The following RTN3 variants were observed in gnomAD, a reference collection of about 807,000 sequenced individuals.
The protein encoded by RTN3 is reticulon-3.
In RTN3, 49 loss-of-function variants were observed where a neutral mutation model predicts 77.8. The ratio of observed to expected loss-of-function variants is 0.63; its 90% CI spans 0.50 to 0.80. RTN3 has a LOEUF of 0.80. Ranked by LOEUF, RTN3 falls within the 30% of genes least tolerant of loss-of-function variation. RTN3 has a pLI of 0.00. For synonymous variants in RTN3, 464 were observed against 446.9 expected (o/e 1.04, Z -0.48); for missense variants, 1,236 against 1,211.9 (o/e 1.02, Z -0.29).
chr11:63,735,873 T>C (rs1476158152), intron 3 of RTN3, among the ~76,000 whole-genome samples: 3 of 152,048 alleles, frequency 2.0e-5, no homozygotes, highest in Admixed American at 2.0e-4. Flanking sequence ...AAGAACAAAA[T>C]TGGAGAACTT....
chr11:63,753,282 C>T, intron 6 of RTN3, 144 bp downstream of exon 6: 1 of 729,600 alleles, frequency 1.4e-6, no homozygotes, highest in Non-Finnish European at 2.3e-6. Flanking sequence ...ACTGGAGGAA[C>T]CGGAGTTTGT....
chr11:63,703,294 G>A (rs935108403), intron 1 of RTN3, among the ~76,000 whole-genome samples: 6 of 151,964 alleles, frequency 3.9e-5, no homozygotes, highest in Non-Finnish European at 7.4e-5. Flanking sequence ...TGGTGGTGGG[G>A]GGTGGTGGTT....
At position 63,716,119 on chromosome 11, in the gene RTN3, A is replaced by G. The variant is rs573975469; in HGVS notation, c.200-2583A>G. On this transcript the variant is annotated intron_variant, in intron 2 of 8. Coordinates refer to ENST00000377819, the MANE Select transcript of RTN3 (RefSeq NM_001265589.2). Reference sequence around the variant, plus strand: ...TGAATGTACAAAGACTTTTTATTCTAATAACCAGATTACAGTTATACTATT... The same window carrying G: ...TGAATGTACAAAGACTTTTTATTCTGATAACCAGATTACAGTTATACTATT... 3.9e-5 allele frequency among the ~76,000 whole-genome samples: 6 copies of G among 152,344 alleles called. No individual in the cohort carries two copies. The East Asian group carries it at 1.2e-3, about 29-fold the overall frequency.
chr11:63,755,504 A>G (rs2014327772), intron 7 of RTN3, among the ~76,000 whole-genome samples: 1 of 151,726 alleles, frequency 6.6e-6, no homozygotes. Context: ...ATACAAAATT[A>G]GCCAGGCATG....
At chr11:63,686,072 C>A (rs1020407579) in intron 1 of RTN3, among the ~76,000 whole-genome samples, 2 of 152,170 alleles carry the variant, frequency 1.3e-5, no homozygotes, top group Admixed American at 6.6e-5. Context: ...ATTCAGTGTT[C>A]ATTTCAGAGC....
chr11:63,746,974 C>A (rs1258654357), intron 3 of RTN3: 1 of 455,998 alleles, frequency 2.2e-6, no homozygotes, highest in South Asian at 1.5e-5. Flanking sequence ...CACTTTGTGC[C>A]TCATCCTGTC....
intron 6 of RTN3, 114 bp downstream of exon 6, chr11:63,753,252 AG>A (rs1365885245): frequency 6.9e-6 from 7 of 1,021,360 alleles, no homozygotes; most frequent in Non-Finnish European, 8.8e-6. Context: ...CTTGACCCAT[AG>A]AGACCTGGGA....
intron 2 of RTN3, among the ~76,000 whole-genome samples, chr11:63,706,375 G>T (rs553985733): frequency 2.6e-5 from 4 of 151,980 alleles, no homozygotes; most frequent in Non-Finnish European, 5.9e-5. Context: ...TTTTTATTTC[G>T]TAGAGACATT....
intron 3 of RTN3, among the ~76,000 whole-genome samples, chr11:63,726,706 C>G (rs545733589): frequency 4.4e-4 from 66 of 151,540 alleles, no homozygotes; most frequent in Admixed American, 1.4e-3. Context: ...ACTAAAAATA[C>G]AAAAATTAGC....
intron 2 of RTN3, among the ~76,000 whole-genome samples, chr11:63,711,283 CA>C (rs1055637757): frequency 4.1e-5 from 6 of 147,644 alleles, no homozygotes; most frequent in African/African-American, 1.5e-4. Flanking sequence ...GAGACTGTCT[CA>C]AAAAAAAAGG....
chr11:63,684,132 T>TG (rs1467650915), intron 1 of RTN3, among the ~76,000 whole-genome samples: 9 of 6,756 alleles, frequency 1.3e-3, no homozygotes, highest in African/African-American at 1.5e-3. Flanking sequence ...TCTTTTGGTT[T>TG]TTTTTTTTTT....
chr11:63,719,549 A>G lies in RTN3; in HGVS notation c.1047A>G (p.Lys349=). 1 of 1,614,206 alleles carries G rather than the reference A, an allele frequency of 6.2e-7. No individual in the cohort carries two copies. Among genetic ancestry groups the G allele is most frequent in the Non-Finnish European group, 8.5e-7 (1 of 1,180,030 alleles). ...ILTWDLVPQV[K]QQTDKSSDCI... is the part of the protein sequence containing the mutation. The stretch of plus-strand genomic sequence containing the variant: ...CTTGGGATCTGGTTCCCCAAGTGAA[A>G]CAACAGACCGATAAATCTTCTGACT... The change falls in exon 3 of 9, where the codon AAA becomes AAG. Residue 349 remains lysine, a synonymous_variant. Coordinates refer to ENST00000377819, the MANE Select transcript of RTN3 (RefSeq NM_001265589.2).
Position 63,704,836 on chromosome 11 carries a change from T to C in RTN3, c.143-15T>C. The C allele has an allele frequency of 2.5e-6, 4 of 1,590,188 alleles. No homozygotes were observed. The highest frequency in any genetic ancestry group is 3.3e-5 in the Admixed American group (2 of 59,960). ...GTGAGGTTGTCATATTCTCATGCTG[T>C]ATATTTTCTTTCAGATTCCTTTGTT... On this transcript the variant is annotated splice_polypyrimidine_tract_variant and intron_variant, in intron 1 of 8. Transcript: ENST00000377819.
intron 4 of RTN3, among the ~76,000 whole-genome samples, chr11:63,750,904 T>C (rs559008158): frequency 6.6e-6 from 1 of 152,086 alleles, no homozygotes; most frequent in East Asian, 1.9e-4. Flanking sequence ...GCTAATTTTT[T>C]TGTATTTTTA....
At chr11:63,717,375 CTTTTTT>C (rs1187530525) in intron 2 of RTN3, among the ~76,000 whole-genome samples, 2 of 75,164 alleles carry the variant, frequency 2.7e-5, no homozygotes, top group South Asian at 5.5e-4. Flanking sequence ...TTAACTCTGT[CTTTTTT>C]TTTTTTTTTT....
Position 63,743,952 on chromosome 11 carries a change from G to T in RTN3, c.2531-6039G>T, listed in dbSNP as rs557310803. ...AAAAACTTGATGAAGGAAGATAAAGGTGGGAAAGGGGCCAGGCACAGTGGC... is the reference window on the plus strand; with the variant it reads ...AAAAACTTGATGAAGGAAGATAAAGTTGGGAAAGGGGCCAGGCACAGTGGC... On this transcript the variant is annotated intron_variant, in intron 3 of 8. Transcript: ENST00000377819. Among the ~76,000 whole-genome samples the T allele has an allele frequency of 2.6e-3, 394 of 151,326 alleles. 1 individual carries two copies. The highest frequency in any genetic ancestry group is 3.3e-3 in the Non-Finnish European group (226 of 67,786).
At chr11:63,707,472 T>C (rs1050049761) in intron 2 of RTN3, among the ~76,000 whole-genome samples, 1 of 152,212 alleles carries the variant, frequency 6.6e-6, no homozygotes, top group Non-Finnish European at 1.5e-5. Context: ...TTCTTCCTTT[T>C]TGCCTACAAA....
chr11:63,726,103 T>C (rs1483918697), intron 3 of RTN3, among the ~76,000 whole-genome samples: 1 of 152,174 alleles, frequency 6.6e-6, no homozygotes, highest in Admixed American at 6.5e-5. Context: ...CTGAAGTAAT[T>C]TTTAAAAGCA....
At chr11:63,703,962 A>G (rs1208931025) in intron 1 of RTN3, among the ~76,000 whole-genome samples, 1 of 152,000 alleles carries the variant, frequency 6.6e-6, no homozygotes. Flanking sequence ...AAATTTTGAT[A>G]CATGTTGCTG....
Sources: gnomAD v4.1 joint callset for allele counts (sites outside exome capture counted in the v4.1 genomes callset) on GRCh38, gnomAD v4.1.1 for gene constraint, MANE v1.5 for transcripts, NCBI Gene and HGNC (gene_info 2026-07-23, HGNC 2026-07-21) for gene names.